The following ROR1 variants were observed in gnomAD, a reference collection of about 807,000 sequenced individuals.
ROR1 encodes the protein inactive tyrosine-protein kinase transmembrane receptor ROR1.
ROR1 carries 19 observed loss-of-function variants against 78.8 expected under a neutral mutation model. That is an observed-to-expected ratio of 0.24 (90% confidence interval 0.17 to 0.35). ROR1 has a LOEUF of 0.35. Ranked by LOEUF, ROR1 falls within the 10% of genes least tolerant of loss-of-function variation. The pLI is 1.00. For synonymous variants in ROR1, 386 were observed against 433.6 expected (o/e 0.89, Z 1.36); for missense variants, 917 against 1,177.8 (o/e 0.78, Z 3.24).
At chr1:63,796,325 G>A (rs1360220536) in intron 1 of ROR1, among the ~76,000 whole-genome samples, 2 of 152,148 alleles carry the variant, frequency 1.3e-5, no homozygotes, top group East Asian at 3.8e-4. Flanking sequence ...AAAGCAATAA[G>A]GTTGGACCAA....
intron 4 of ROR1, among the ~76,000 whole-genome samples, chr1:64,052,503 C>T (rs1293793585): frequency 6.6e-6 from 1 of 152,106 alleles, no homozygotes; most frequent in Non-Finnish European, 1.5e-5. Flanking sequence ...TTTCATTCTT[C>T]ACTGCTGTCC....
At chr1:64,051,831 T>C (rs1646835766) in intron 4 of ROR1, among the ~76,000 whole-genome samples, 1 of 152,236 alleles carries the variant, frequency 6.6e-6, no homozygotes, top group African/African-American at 2.4e-5. Context: ...CACAAGAGCA[T>C]CAAAATGTTT....
intron 4 of ROR1, among the ~76,000 whole-genome samples, chr1:64,098,213 G>A (rs755349246): frequency 1.1e-4 from 16 of 152,120 alleles, no homozygotes; most frequent in Non-Finnish European, 1.9e-4. Flanking sequence ...AGAAGTGAGG[G>A]TGAAAGACCC....
At chr1:64,034,805 T>C (rs997289683) in intron 2 of ROR1, among the ~76,000 whole-genome samples, 2 of 152,150 alleles carry the variant, frequency 1.3e-5, no homozygotes, top group African/African-American at 4.8e-5. Flanking sequence ...TATAAATAAA[T>C]AAGCCTTTTA....
intron 2 of ROR1, among the ~76,000 whole-genome samples, chr1:64,009,655 A>T (rs1277653102): frequency 6.6e-6 from 1 of 151,938 alleles, no homozygotes; most frequent in African/African-American, 2.4e-5. Context: ...GTCATTTCTG[A>T]CCTTTCTGAC....
intron 1 of ROR1, among the ~76,000 whole-genome samples, chr1:63,816,110 G>A (rs576291547): frequency 5.3e-5 from 8 of 152,288 alleles, no homozygotes; most frequent in Admixed American, 2.0e-4. Context: ...ACTGGTGGCC[G>A]CTAGACAGTC....
chr1:64,067,302 G>T (rs1286426720), intron 4 of ROR1, among the ~76,000 whole-genome samples: 1 of 151,554 alleles, frequency 6.6e-6, no homozygotes, highest in Non-Finnish European at 1.5e-5. Flanking sequence ...AGCCAAAATT[G>T]CACTACTGTA....
At chr1:63,937,813 A>T (rs1645805640) in intron 1 of ROR1, among the ~76,000 whole-genome samples, 1 of 152,200 alleles carries the variant, frequency 6.6e-6, no homozygotes. Flanking sequence ...GCAAAGGAGG[A>T]AACTACTGAG....
At chr1:64,089,497 C>T (rs1647178796) in intron 4 of ROR1, among the ~76,000 whole-genome samples, 1 of 152,260 alleles carries the variant, frequency 6.6e-6, no homozygotes, top group East Asian at 1.9e-4. Context: ...AAGGGTGAGC[C>T]ACCGCGCCAG....
chr1:64,133,308 A>G (rs983507894), intron 4 of ROR1, among the ~76,000 whole-genome samples: 2 of 152,174 alleles, frequency 1.3e-5, no homozygotes, highest in Non-Finnish European at 2.9e-5. Flanking sequence ...CTTGTCTGGC[A>G]GGGAAGGAAG....
intron 1 of ROR1, among the ~76,000 whole-genome samples, chr1:63,793,009 T>C (rs1193054489): frequency 6.6e-6 from 1 of 152,244 alleles, no homozygotes; most frequent in Non-Finnish European, 1.5e-5. Context: ...AGACCCAGAA[T>C]CTTATGACAG....
chr1:63,981,639 G>A (rs1254543651), intron 1 of ROR1, among the ~76,000 whole-genome samples: 1 of 152,048 alleles, frequency 6.6e-6, no homozygotes, highest in East Asian at 1.9e-4. Flanking sequence ...TGGTGTCCTG[G>A]GATCCTTTGG....
At chr1:63,980,064 A>G (rs1213635632) in intron 1 of ROR1, among the ~76,000 whole-genome samples, 1 of 152,158 alleles carries the variant, frequency 6.6e-6, no homozygotes, top group Non-Finnish European at 1.5e-5. Context: ...ATAATGTGCT[A>G]TGAACAGAGG....
chr1:64,124,098 A>G (rs922270458), intron 4 of ROR1, among the ~76,000 whole-genome samples: 3 of 152,210 alleles, frequency 2.0e-5, no homozygotes, highest in Non-Finnish European at 4.4e-5. Context: ...TGCAAAAATA[A>G]TTTGTGTGTT....
chr1:63,912,466 A>G (rs1412446265), intron 1 of ROR1, among the ~76,000 whole-genome samples: 1 of 152,180 alleles, frequency 6.6e-6, no homozygotes, highest in Non-Finnish European at 1.5e-5. Context: ...AGGGAAGTGG[A>G]GAAAGGCAGA....
chr1:63,980,087 T>A (rs1646197172), intron 1 of ROR1, among the ~76,000 whole-genome samples: 2 of 151,878 alleles, frequency 1.3e-5, no homozygotes, highest in Admixed American at 1.3e-4. Flanking sequence ...AGTGATTAAG[T>A]CAACTCCGTG....
chr1:64,067,456 A>T (rs2100613142), intron 4 of ROR1, among the ~76,000 whole-genome samples: 1 of 150,396 alleles, frequency 6.6e-6, no homozygotes, highest in East Asian at 1.9e-4. Context: ...AAAAAAAAAA[A>T]AAAAAAAAAA....
Position 64,178,372 on chromosome 1 carries a change from A to G in ROR1, c.2331A>G (p.Pro777=), listed in dbSNP as rs762494715. The G allele has an allele frequency of 6.2e-7, 1 of 1,614,216 alleles. No homozygotes were observed. The highest frequency in any genetic ancestry group is 8.5e-7 in the Non-Finnish European group (1 of 1,180,042). Reference sequence around the variant, plus strand: ...AGACAACCTCCCTCAGTGCCAGCCCAGTGAGTAATCTCAGTAACCCCAGAT... The same window carrying G: ...AGACAACCTCCCTCAGTGCCAGCCCGGTGAGTAATCTCAGTAACCCCAGAT... ...TTQTTSLSAS[P]VSNLSNPRYP... is the part of the protein sequence containing the mutation. The change falls in exon 9 of 9, where the codon CCA becomes CCG. Residue 777 remains proline, a synonymous_variant. Coordinates refer to ENST00000371079, the MANE Select transcript of ROR1 (RefSeq NM_005012.4). This position sits in a 1 kb window ranked among gnomAD's most constrained non-coding sequence, Gnocchi z 4.3.
At chr1:63,849,479 C>G (rs1335470183) in intron 1 of ROR1, among the ~76,000 whole-genome samples, 1 of 152,124 alleles carries the variant, frequency 6.6e-6, no homozygotes, top group East Asian at 1.9e-4. Context: ...TGAAGGATCA[C>G]TTGAGCTCAG....
Sources: gnomAD v4.1 joint callset for allele counts (sites outside exome capture counted in the v4.1 genomes callset) on GRCh38, gnomAD v4.1.1 for gene constraint, Gnocchi (gnomAD v3.1) non-coding constraint, MANE v1.5 for transcripts, NCBI Gene and HGNC (gene_info 2026-07-23, HGNC 2026-07-21) for gene names.